GLS: variants seen among roughly 807,000 people sequenced by gnomAD.
GLS encodes glutaminase kidney isoform, mitochondrial.
A neutral mutation model predicts 86.7 loss-of-function variants in GLS; 36 were observed. That is an observed-to-expected ratio of 0.42 (90% confidence interval 0.32 to 0.55). GLS has a LOEUF of 0.55. Ranked by LOEUF, GLS falls within the 20% of genes least tolerant of loss-of-function variation. The probability of loss-of-function intolerance (pLI) is 0.17; values close to 1 mark genes in which losing one functional copy is unlikely to be tolerated. For missense variants in GLS, 528 were observed against 833.4 expected (o/e 0.63, Z 4.51); for synonymous variants, 317 against 305.9 (o/e 1.04, Z -0.38).
In GLS at chr2:190,943,664, T is replaced by G. The variant is rs1308022149; in HGVS notation, c.1651-9901T>G. Reference sequence around the variant, plus strand: ...TAAAATATGCTTTTCTCCAGCAATTTTCTGTATTATATGTTGGAGGAGCCT... The same window carrying G: ...TAAAATATGCTTTTCTCCAGCAATTGTCTGTATTATATGTTGGAGGAGCCT... On this transcript the variant is annotated intron_variant, in intron 14 of 17. Coordinates refer to ENST00000320717, the MANE Select transcript of GLS (RefSeq NM_014905.5). This position sits in a 1 kb window ranked among gnomAD's most constrained non-coding sequence, Gnocchi z 4.5. 5.3e-5 allele frequency among the ~76,000 whole-genome samples: 8 copies of G among 152,200 alleles called. No homozygotes were observed. Among genetic ancestry groups the G allele is most frequent in the Admixed American group, 5.2e-4 (8 of 15,280 alleles).
chr2:190,928,357 C>T (rs1357439895), intron 12 of GLS, among the ~76,000 whole-genome samples: 38 of 141,802 alleles, frequency 2.7e-4, no homozygotes, highest in African/African-American at 1.8e-4. Flanking sequence ...TTTTTTGAGA[C>T]GGAGTTTCAC....
intron 1 of GLS, among the ~76,000 whole-genome samples, chr2:190,892,012 ACCACAGTGAAGTAGTTTT>A (rs1215813437): frequency 6.6e-6 from 1 of 152,112 alleles, no homozygotes; most frequent in Non-Finnish European, 1.5e-5. Context: ...ACCTTATTAG[ACCACAGTGAAGTAGTTTT>A]CCAAAGTCTG....
chr2:190,881,166 G>A lies in GLS; in HGVS notation c.82G>A (p.Ala28Thr), dbSNP rs752018389. Residue 28 changes from alanine to threonine, a missense_variant, in exon 1 of 18, where the codon GCA (alanine) becomes ACA (threonine). Ala to Thr is a moderately conservative substitution (Grantham distance 58). Transcript: ENST00000320717. Reference protein sequence around the residue: ...PAGVSATLRRAQPLVTLCRRP... With the variant: ...PAGVSATLRRTQPLVTLCRRP... ...CGGCGTGAGCGCGACTCTGCGGCGG[G>A]CACAGCCCTTGGTCACCCTGTGCCG... 172 of 1,536,824 alleles carry A rather than the reference G, an allele frequency of 1.1e-4. No homozygotes were observed. Among genetic ancestry groups the A allele is most frequent in the Non-Finnish European group, 1.4e-4 (162 of 1,149,286 alleles).
Position 190,942,706 on chromosome 2 carries a change from T to C in GLS, c.1651-10859T>C, listed in dbSNP as rs1690473745. On this transcript the variant is annotated intron_variant, in intron 14 of 17. Transcript: ENST00000320717. ...AAACCTTGGGAGTATGGGAAGAAATTAGTTTAACTTTGGCTATTGTAACAA... is the reference window on the plus strand; with the variant it reads ...AAACCTTGGGAGTATGGGAAGAAATCAGTTTAACTTTGGCTATTGTAACAA... Among the ~76,000 whole-genome samples, 4 of 152,286 alleles carry C rather than the reference T, an allele frequency of 2.6e-5. No homozygotes were observed. The South Asian group carries it at 8.3e-4, about 32-fold the overall frequency.
chr2:190,880,905 A>C lies in GLS; in HGVS notation c.-180A>C, dbSNP rs1688120974. ...CAGCAGCAGCAGCAGCAGCAGCAGC[A>C]GCAGCAGCAGCAGCACCCGCATCCG... On this transcript the variant is annotated 5_prime_UTR_variant, in exon 1 of 18. Transcript: ENST00000320717. 11 of 793,812 alleles carry C rather than the reference A, an allele frequency of 1.4e-5. No homozygotes were observed. In the East Asian group the frequency reaches 3.5e-4, roughly 25 times the overall value. 49.2% of individuals were successfully genotyped at this position (793,812 alleles called of 1,614,324 possible). A position where few individuals can be genotyped will look rare whatever the true frequency, so the allele number is the denominator to read the frequency against.
intron 6 of GLS, among the ~76,000 whole-genome samples, chr2:190,906,010 G>A (rs768114670): frequency 6.6e-6 from 1 of 151,922 alleles, no homozygotes; most frequent in Non-Finnish European, 1.5e-5. Context: ...TTTGTAAGAT[G>A]AAGTCATAAG....
chr2:190,932,450 A>G (rs1171573866), intron 14 of GLS, among the ~76,000 whole-genome samples: 3 of 151,970 alleles, frequency 2.0e-5, no homozygotes, highest in African/African-American at 2.4e-5. Context: ...TTTTTAATAC[A>G]TACTAAGTAC....
chr2:190,948,080 A>C (rs974582843), intron 14 of GLS, among the ~76,000 whole-genome samples: 1 of 152,170 alleles, frequency 6.6e-6, no homozygotes, highest in Non-Finnish European at 1.5e-5. Flanking sequence ...AAGAAGAGGA[A>C]TTTGTGGTTT....
chr2:190,900,686 G>A lies in GLS; in HGVS notation c.728G>A (p.Gly243Glu). ...TATGAAAGTGCTAAAAAGCAGTCTGGAGGAAAGGTAATGCTTTTGATGTAC... is the reference window on the plus strand; with the variant it reads ...TATGAAAGTGCTAAAAAGCAGTCTGAAGGAAAGGTAATGCTTTTGATGTAC... ...ELYESAKKQS[G>E]GKVADYIPQL... The change falls in exon 4 of 18, where the codon GGA becomes GAA. Residue 243 changes from glycine (G) to glutamate (E), a missense_variant. Gly to Glu is a moderately conservative substitution (Grantham distance 98, BLOSUM62 -2). Around this residue, in one of 4 missense-constraint regions of GLS, gnomAD observed 111 missense variants for 179.5 expected, o/e 0.62. Transcript: ENST00000320717. 1 of 1,605,998 alleles carries A rather than the reference G, an allele frequency of 6.2e-7. No homozygotes were observed. The highest frequency in any genetic ancestry group is 8.5e-7 in the Non-Finnish European group (1 of 1,174,120).
chr2:190,957,315 C>G (rs1042711316), intron 17 of GLS, among the ~76,000 whole-genome samples: 1 of 152,236 alleles, frequency 6.6e-6, no homozygotes. Context: ...TGCTCTCGAA[C>G]TCCTGACCTC....
chr2:190,897,154 A>C lies in GLS; in HGVS notation c.605+1429A>C, dbSNP rs1046713917. On this transcript the variant is annotated intron_variant, in intron 3 of 17. Transcript: ENST00000320717. This position sits in a 1 kb window ranked among gnomAD's most constrained non-coding sequence, Gnocchi z 4.3. ...AGTGATTCTCCCACCTAAATTCCCA[A>C]GTATCTGGGATTAAGGGCGCCTGCC... is the stretch of plus-strand genomic sequence containing the variant. 6.6e-6 allele frequency among the ~76,000 whole-genome samples: 1 copy of C among 151,950 alleles called. No homozygotes were observed. The highest frequency in any genetic ancestry group is 6.6e-5 in the Admixed American group (1 of 15,254).
In GLS at chr2:190,914,637, G is replaced by A. The variant is rs1218358120; in HGVS notation, c.1038+4316G>A. On this transcript the variant is annotated intron_variant, in intron 7 of 17. Coordinates refer to ENST00000320717, the MANE Select transcript of GLS (RefSeq NM_014905.5). The surrounding 1 kb of genome is among the most constrained non-coding windows in gnomAD (Gnocchi z 4.4). ...TAAATTAAGAGTATTTCACAAAATC[G>A]TTTTTAGTTACCTCTTTTTGCCTTT... Among the ~76,000 whole-genome samples the A allele has an allele frequency of 2.0e-5, 3 of 151,682 alleles. No homozygotes were observed. Among genetic ancestry groups the A allele is most frequent in the Non-Finnish European group, 4.4e-5 (3 of 67,950 alleles).
Position 190,914,533 on chromosome 2 carries a change from A to T in GLS, c.1038+4212A>T, listed in dbSNP as rs564203154. On this transcript the variant is annotated intron_variant, in intron 7 of 17. Transcript: ENST00000320717. The surrounding 1 kb of genome is among the most constrained non-coding windows in gnomAD (Gnocchi z 4.4). ...CTATGAAAATACTAGATCTAGAAAA[A>T]CATTCTTTTTTACCTGGAGTGTCTT... Among the ~76,000 whole-genome samples, 1 of 151,898 alleles carries T rather than the reference A, an allele frequency of 6.6e-6. No homozygotes were observed. Among genetic ancestry groups the T allele is most frequent in the Admixed American group, 6.6e-5 (1 of 15,262 alleles).
intron 6 of GLS, among the ~76,000 whole-genome samples, chr2:190,908,114 C>A (rs1397666132): frequency 6.6e-6 from 1 of 152,088 alleles, no homozygotes; most frequent in Non-Finnish European, 1.5e-5. Flanking sequence ...ATATATATCC[C>A]AACCAGATGG....
chr2:190,921,029 A>C lies in GLS; in HGVS notation c.1044A>C (p.Gly348=). ...TGTCTCTTATTTTTTTGCAGCAAGG[A>C]GTAAATAATGCTGAAAAATTTGACT... ...AIVVTSLIKQ[G]VNNAEKFDYV... Residue 348 remains glycine (G), a synonymous_variant, in exon 8 of 18, where the codon GGA becomes GGC. Coordinates refer to ENST00000320717, the MANE Select transcript of GLS (RefSeq NM_014905.5). This position sits in a 1 kb window ranked among gnomAD's most constrained non-coding sequence, Gnocchi z 4.2. 2.0e-6 allele frequency: 3 copies of C among 1,534,274 alleles called. No individual in the cohort carries two copies. Among genetic ancestry groups the C allele is most frequent in the Non-Finnish European group, 2.7e-6 (3 of 1,109,012 alleles).
intron 14 of GLS, among the ~76,000 whole-genome samples, chr2:190,941,139 T>G (rs1230910055): frequency 2.0e-5 from 3 of 152,204 alleles, no homozygotes; most frequent in African/African-American, 7.2e-5. Context: ...GTGTTTAGGA[T>G]ATGCAGTGAG....
chr2:190,907,044 C>G (rs2124858023), intron 6 of GLS, among the ~76,000 whole-genome samples: 1 of 151,562 alleles, frequency 6.6e-6, no homozygotes, highest in South Asian at 2.1e-4. Context: ...ATTCCCCTGC[C>G]TCAGCGAGTA....
At position 190,953,294 on chromosome 2, in the gene GLS, A is replaced by G. The variant is rs1044445714; in HGVS notation, c.1651-271A>G. 1.3e-5 allele frequency among the ~76,000 whole-genome samples: 2 copies of G among 152,206 alleles called. No individual in the cohort carries two copies. The highest frequency in any genetic ancestry group is 2.9e-5 in the Non-Finnish European group (2 of 68,038). On this transcript the variant is annotated intron_variant, in intron 14 of 17. Coordinates refer to ENST00000320717, the MANE Select transcript of GLS (RefSeq NM_014905.5). The surrounding 1 kb of genome is among the most constrained non-coding windows in gnomAD (Gnocchi z 4.0). ...TGCCCCAACTGTATGAGTTTCACAA[A>G]ATTCCATTCTCTTCTGCCAAGTGAT...
intron 7 of GLS, chr2:190,919,698 T>C: frequency 1.2e-6 from 1 of 804,314 alleles, no homozygotes; most frequent in Non-Finnish European, 1.5e-6. Context: ...CTTTTAATTA[T>C]TTTTCATTGA....
Sources: gnomAD v4.1 joint callset for allele counts (sites outside exome capture counted in the v4.1 genomes callset) on GRCh38, gnomAD v4.1.1 for gene constraint, gnomAD v4.1.1 regional missense constraint, Gnocchi (gnomAD v3.1) non-coding constraint, MANE v1.5 for transcripts, NCBI Gene and HGNC (gene_info 2026-07-23, HGNC 2026-07-21) for gene names.